The following FNDC3B variants were observed in gnomAD, a reference collection of about 807,000 sequenced individuals.
FNDC3B encodes the protein fibronectin type III domain containing 3B.
FNDC3B carries 12 observed loss-of-function variants against 151.5 expected under a neutral mutation model. That is an observed-to-expected ratio of 0.08 (90% confidence interval 0.05 to 0.13). FNDC3B has a LOEUF of 0.13. Among genes scored for constraint, FNDC3B ranks in the 10% least tolerant of loss-of-function variants. FNDC3B has a pLI of 1.00. For synonymous variants in FNDC3B, 528 were observed against 549.0 expected, an observed-to-expected ratio of 0.96 and a Z score of 0.54; for missense variants, 1,214 against 1,505.3, an observed-to-expected ratio of 0.81 and a Z score of 3.20.
At chr3:172,091,675 A>T (rs1198313995) in intron 1 of FNDC3B, among the ~76,000 whole-genome samples, 1 of 152,174 alleles carries the variant, frequency 6.6e-6, no homozygotes, top group African/African-American at 2.4e-5. Flanking sequence ...AACATATAAG[A>T]ATACGTATTC....
chr3:172,249,103 G>A (rs1156912830), intron 5 of FNDC3B, among the ~76,000 whole-genome samples: 3 of 147,708 alleles, frequency 2.0e-5, no homozygotes, highest in African/African-American at 5.1e-5. Context: ...TTAGTTAGCT[G>A]TAATTTTTTT....
At chr3:172,334,519 C>T (rs542294834) in intron 14 of FNDC3B, among the ~76,000 whole-genome samples, 2 of 152,018 alleles carry the variant, frequency 1.3e-5, no homozygotes, top group Non-Finnish European at 2.9e-5. Context: ...CTTGGCTCAC[C>T]GCAACCTCTG....
intron 25 of FNDC3B, among the ~76,000 whole-genome samples, chr3:172,386,039 G>A (rs2108381522): frequency 6.6e-6 from 1 of 152,290 alleles, no homozygotes; most frequent in Middle Eastern, 3.4e-3. Context: ...TTAACTTGAA[G>A]TATTAAATTA....
chr3:172,040,011 G>T lies in FNDC3B; in HGVS notation c.-29+240G>T, dbSNP rs572515561. On this transcript the variant is annotated intron_variant, in intron 1 of 25. Transcript: ENST00000415807. The surrounding 1 kb of genome is among the most constrained non-coding windows in gnomAD (Gnocchi z 6.6). ...GGGCGGCCCCCGCCTTGCTGGGCTG[G>T]GGTCCCCCGCCTGTGCCCCCTGCCT... Among the ~76,000 whole-genome samples, 19 of 152,278 alleles carry T rather than the reference G, an allele frequency of 1.2e-4. No individual in the cohort carries two copies. In the East Asian group the frequency reaches 3.5e-3, roughly 28 times the overall value.
chr3:172,111,285 G>A (rs1316192846), intron 1 of FNDC3B, among the ~76,000 whole-genome samples: 3 of 151,970 alleles, frequency 2.0e-5, no homozygotes, highest in African/African-American at 7.3e-5. Context: ...GTGTCAACAG[G>A]GATTATCTTA....
At chr3:172,333,201 A>G (rs761385332) in intron 14 of FNDC3B, 26 bp downstream of exon 14, 6 of 1,377,328 alleles carry the variant, frequency 4.4e-6, no homozygotes, top group South Asian at 1.2e-5. Flanking sequence ...TGCTACCTGA[A>G]CTGCTTAAAA....
intron 23 of FNDC3B, among the ~76,000 whole-genome samples, chr3:172,374,022 T>A (rs1283642893): frequency 1.3e-5 from 2 of 152,250 alleles, no homozygotes; most frequent in Non-Finnish European, 1.5e-5. Context: ...ATCTGAGGCC[T>A]GCTGTGTCAG....
At chr3:172,195,819 T>C (rs774516198) in intron 3 of FNDC3B, among the ~76,000 whole-genome samples, 2 of 152,152 alleles carry the variant, frequency 1.3e-5, no homozygotes, top group Non-Finnish European at 2.9e-5. Context: ...CCAGTCAGAG[T>C]GCCTGGACCC....
At chr3:172,229,084 AACAC>A (rs760446690) in intron 4 of FNDC3B, among the ~76,000 whole-genome samples, 27,695 of 117,326 alleles carry the variant, frequency 0.24, 2,676 homozygotes, top group East Asian at 0.35. Context: ...GAAAGAAAGA[AACAC>A]ACACACACAC....
chr3:172,284,743 G>A (rs1232897822), intron 6 of FNDC3B, among the ~76,000 whole-genome samples: 1 of 144,094 alleles, frequency 6.9e-6, no homozygotes, highest in African/African-American at 2.6e-5. Flanking sequence ...CCTCTTTTGG[G>A]TTACCTTTAC....
chr3:172,292,267 T>G (rs1287485398), intron 7 of FNDC3B, among the ~76,000 whole-genome samples: 3 of 152,202 alleles, frequency 2.0e-5, no homozygotes, highest in African/African-American at 7.2e-5. Context: ...ACCGCTTTCC[T>G]TTGAGAATGA....
At chr3:172,383,668 T>C (rs1257720695) in intron 25 of FNDC3B, among the ~76,000 whole-genome samples, 2 of 152,166 alleles carry the variant, frequency 1.3e-5, no homozygotes, top group Non-Finnish European at 2.9e-5. Context: ...ATAATTTGAG[T>C]AGCAAGGCTC....
chr3:172,352,935 T>C lies in FNDC3B; in HGVS notation c.2647T>C (p.Ser883Pro), dbSNP rs774017120. The C allele has an allele frequency of 1.3e-5, 21 of 1,614,214 alleles. No individual in the cohort carries two copies. The highest frequency in any genetic ancestry group is 1.7e-5 in the Non-Finnish European group (20 of 1,180,028). ...CCTTGATGCCTACCCTGATTCACCT[T>C]CTGCGTGCCTTGTACTGAACTGGGA... Reference protein sequence around the residue: ...EPLDAYPDSPSACLVLNWEEP... With the variant: ...EPLDAYPDSPPACLVLNWEEP... The change falls in exon 22 of 26, where the codon TCT (serine) becomes CCT (proline). Residue 883 changes from serine (S) to proline (P), a missense_variant. Transcript: ENST00000415807. This position sits in a 1 kb window ranked among gnomAD's most constrained non-coding sequence, Gnocchi z 4.2.
At chr3:172,147,778 T>G (rs372931094) in intron 3 of FNDC3B, among the ~76,000 whole-genome samples, 82 of 150,818 alleles carry the variant, frequency 5.4e-4, no homozygotes, top group African/African-American at 1.8e-3. Flanking sequence ...GTGGAGATCG[T>G]CGGGGTTGGT....
intron 1 of FNDC3B, among the ~76,000 whole-genome samples, chr3:172,107,287 G>A (rs1379224334): frequency 6.6e-6 from 1 of 152,174 alleles, no homozygotes; most frequent in Non-Finnish European, 1.5e-5. Flanking sequence ...ATAAAGAATA[G>A]GAGAGAAACC....
intron 1 of FNDC3B, among the ~76,000 whole-genome samples, chr3:172,080,754 C>T (rs995973541): frequency 1.8e-4 from 28 of 152,144 alleles, no homozygotes; most frequent in African/African-American, 6.8e-4. Flanking sequence ...ACCTGCCAGG[C>T]CTCAGATGGG....
At chr3:172,108,321 A>G (rs1279391958) in intron 1 of FNDC3B, among the ~76,000 whole-genome samples, 1 of 152,244 alleles carries the variant, frequency 6.6e-6, no homozygotes, top group Non-Finnish European at 1.5e-5. Flanking sequence ...AGCTGTGGCC[A>G]GCCTGCTCTT....
In FNDC3B at chr3:172,113,064, C is replaced by A. The variant is rs376549122; in HGVS notation, c.111+474C>A. 2.6e-5 allele frequency among the ~76,000 whole-genome samples: 4 copies of A among 152,162 alleles called. No homozygotes were observed. In the East Asian group the frequency reaches 7.7e-4, roughly 29 times the overall value. On this transcript the variant is annotated intron_variant, in intron 2 of 25. Coordinates refer to ENST00000415807, the MANE Select transcript of FNDC3B (RefSeq NM_022763.4). ...ATCACGGTACTTATTTTCTCTGAAT[C>A]TCCTTTGTCACTAGTCACTGAACAT...
intron 3 of FNDC3B, among the ~76,000 whole-genome samples, chr3:172,191,891 G>T (rs1162281086): frequency 6.6e-6 from 1 of 152,188 alleles, no homozygotes; most frequent in East Asian, 1.9e-4. Flanking sequence ...GCGCTGTGTA[G>T]AGGATATAGA....
Sources: gnomAD v4.1 joint callset for allele counts (sites outside exome capture counted in the v4.1 genomes callset) on GRCh38, gnomAD v4.1.1 for gene constraint, Gnocchi (gnomAD v3.1) non-coding constraint, MANE v1.5 for transcripts, NCBI Gene and HGNC (gene_info 2026-07-23, HGNC 2026-07-21) for gene names.